FGF12: variants seen among roughly 807,000 people sequenced by gnomAD.
FGF12 encodes fibroblast growth factor 12B.
Under a neutral mutation model 23.6 loss-of-function variants are expected in FGF12, and 14 were observed. That is an observed-to-expected ratio of 0.59 (90% CI 0.39 to 0.93). The LOEUF is 0.93. FGF12 is among the 40% of genes least tolerant of loss of function. The pLI, the probability that FGF12 is intolerant of heterozygous loss-of-function variation, is 0.00. For missense variants in FGF12, 175 were observed against 217.8 expected, an observed-to-expected ratio of 0.80 and a Z score of 1.24; for synonymous variants, 62 against 77.3, an observed-to-expected ratio of 0.80 and a Z score of 1.04.
chr3:192,684,070 G>A (rs1321514414), intron 2 of FGF12, among the ~76,000 whole-genome samples: 1 of 152,136 alleles, frequency 6.6e-6, no homozygotes, highest in African/African-American at 2.4e-5. Flanking sequence ...CATCTTGGGA[G>A]TGCCTGCTCT....
intron 2 of FGF12, among the ~76,000 whole-genome samples, chr3:192,430,683 A>G (rs1721835887): frequency 6.6e-6 from 1 of 152,160 alleles, no homozygotes; most frequent in Non-Finnish European, 1.5e-5. Flanking sequence ...CAATTCATTT[A>G]TTGGGGTCCT....
chr3:192,150,179 A>T (rs1713969791), intron 5 of FGF12, among the ~76,000 whole-genome samples: 1 of 72,782 alleles, frequency 1.4e-5, no homozygotes, highest in African/African-American at 5.2e-5. Flanking sequence ...TTTTTCTTGT[A>T]AATTTGTTTG....
At chr3:192,434,217 G>A (rs1721947636) in intron 2 of FGF12, among the ~76,000 whole-genome samples, 1 of 152,206 alleles carries the variant, frequency 6.6e-6, no homozygotes, top group African/African-American at 2.4e-5. Context: ...CCAGAACTTG[G>A]AAGGGGCTGT....
At chr3:192,345,774 T>C (rs562053535) in intron 3 of FGF12, among the ~76,000 whole-genome samples, 6 of 151,862 alleles carry the variant, frequency 4.0e-5, no homozygotes, top group African/African-American at 1.2e-4. Flanking sequence ...CAGACTATAA[T>C]AAGAAAATGT....
intron 3 of FGF12, among the ~76,000 whole-genome samples, chr3:192,358,976 G>T (rs1364105022): frequency 1.3e-5 from 2 of 152,086 alleles, no homozygotes; most frequent in African/African-American, 4.8e-5. Context: ...TGGTTCCCTG[G>T]TTCTTGCATC....
intron 2 of FGF12, among the ~76,000 whole-genome samples, chr3:192,404,431 A>T (rs1338212409): frequency 6.6e-6 from 1 of 152,190 alleles, no homozygotes; most frequent in Non-Finnish European, 1.5e-5. Flanking sequence ...AACATACATC[A>T]TTTTGTAGTC....
intron 2 of FGF12, among the ~76,000 whole-genome samples, chr3:192,646,159 G>A (rs1715997977): frequency 6.6e-6 from 1 of 152,070 alleles, no homozygotes; most frequent in South Asian, 2.1e-4. Flanking sequence ...GGTAGAAAGG[G>A]GTTAGTTCAA....
chr3:192,606,610 T>C (rs753626255), intron 2 of FGF12, among the ~76,000 whole-genome samples: 34 of 152,236 alleles, frequency 2.2e-4, no homozygotes, highest in Admixed American at 5.2e-4. Flanking sequence ...TTATGTGCCA[T>C]GTACTTGATT....
intron 2 of FGF12, among the ~76,000 whole-genome samples, chr3:192,593,105 G>A (rs148547893): frequency 5.9e-5 from 9 of 151,694 alleles, no homozygotes; most frequent in Non-Finnish European, 8.8e-5. Flanking sequence ...CTTCTGTTCC[G>A]CAAAATCCTT....
intron 2 of FGF12, among the ~76,000 whole-genome samples, chr3:192,433,939 G>T (rs949763845): frequency 2.0e-5 from 3 of 152,158 alleles, no homozygotes; most frequent in African/African-American, 7.2e-5. Context: ...AGGAGGGCTG[G>T]CAATGATTTA....
chr3:192,717,585 C>T (rs920683776), intron 2 of FGF12, among the ~76,000 whole-genome samples: 3 of 151,764 alleles, frequency 2.0e-5, no homozygotes, highest in African/African-American at 7.3e-5. Flanking sequence ...GTTTTTTTCC[C>T]CATAAAGCAT....
intron 2 of FGF12, among the ~76,000 whole-genome samples, chr3:192,608,334 T>C (rs1714422404): frequency 6.6e-6 from 1 of 152,142 alleles, no homozygotes; most frequent in Non-Finnish European, 1.5e-5. Flanking sequence ...AAGTGATAAA[T>C]GTTTGAGGTG....
intron 2 of FGF12, among the ~76,000 whole-genome samples, chr3:192,592,653 T>C (rs781643758): frequency 6.6e-6 from 1 of 151,880 alleles, no homozygotes; most frequent in Non-Finnish European, 1.5e-5. Context: ...TCACAGGGCA[T>C]AGTTGTCCTT....
At chr3:192,715,398 G>A (rs1221394781) in intron 2 of FGF12, among the ~76,000 whole-genome samples, 1 of 152,144 alleles carries the variant, frequency 6.6e-6, no homozygotes, top group Non-Finnish European at 1.5e-5. Context: ...AATGAACTAA[G>A]CAATCCATTA....
chr3:192,622,981 C>T (rs1180353470), intron 2 of FGF12, among the ~76,000 whole-genome samples: 1 of 152,164 alleles, frequency 6.6e-6, no homozygotes, highest in Non-Finnish European at 1.5e-5. Context: ...AAACCAATTT[C>T]TATATCAAAC....
At chr3:192,715,482 A>T (rs1199126733) in intron 2 of FGF12, among the ~76,000 whole-genome samples, 1 of 152,178 alleles carries the variant, frequency 6.6e-6, no homozygotes, top group Non-Finnish European at 1.5e-5. Flanking sequence ...GCCTAGAATG[A>T]TTTTCCAATG....
At chr3:192,591,683 A>G (rs1196275412) in intron 2 of FGF12, among the ~76,000 whole-genome samples, 1 of 151,946 alleles carries the variant, frequency 6.6e-6, no homozygotes, top group Non-Finnish European at 1.5e-5. Flanking sequence ...TGTGCCAGAC[A>G]CTGAGGTGAG....
chr3:192,506,786 C>T lies in FGF12; in HGVS notation c.14-146248G>A, dbSNP rs547343684. 5.3e-5 allele frequency among the ~76,000 whole-genome samples: 8 copies of T among 152,146 alleles called. No homozygotes were observed. In the South Asian group the frequency reaches 1.7e-3, roughly 32 times the overall value. On this transcript the variant is annotated intron_variant, in intron 2 of 5. Transcript: ENST00000445105. The stretch of plus-strand genomic sequence containing the variant: ...GCCACAAAGAGTCTGTTCTAACAGC[C>T]GTATGATCTCCATTTTAACAATGCT...
chr3:192,661,067 G>A (rs994210927), intron 2 of FGF12, among the ~76,000 whole-genome samples: 2 of 151,998 alleles, frequency 1.3e-5, no homozygotes, highest in Non-Finnish European at 2.9e-5. Flanking sequence ...GAAATGGTAC[G>A]CTTGTTAAGG....
Sources: allele counts gnomAD v4.1 joint callset (sites outside exome capture counted in the v4.1 genomes callset), GRCh38; gene constraint gnomAD v4.1.1; transcripts MANE v1.5; gene names NCBI Gene and HGNC (gene_info 2026-07-23, HGNC 2026-07-21).